Variants in SOBP observed in about 807,000 individuals in gnomAD.
SOBP encodes the protein sine oculis binding protein homolog.
In SOBP, 4 loss-of-function variants were observed where a neutral mutation model predicts 53.6. That is an observed-to-expected ratio of 0.07 (90% CI 0.04 to 0.17). The LOEUF (loss-of-function observed/expected upper bound fraction) is 0.17. Ranked by LOEUF, SOBP falls within the 10% of genes least tolerant of loss-of-function variation. The pLI is 1.00. For synonymous variants in SOBP, 584 were observed against 522.6 expected (o/e 1.12, Z -1.60); for missense variants, 1,088 against 1,204.7 (o/e 0.90, Z 1.43).
intron 5 of SOBP, among the ~76,000 whole-genome samples, chr6:107,632,257 T>C (rs1397303668): frequency 1.3e-5 from 2 of 151,832 alleles, no homozygotes; most frequent in Admixed American, 1.3e-4. Context: ...TTCAATAGAC[T>C]CACCATTGCA....
In SOBP at chr6:107,604,612, C is replaced by T. The variant is rs75136126; in HGVS notation, c.669+17437C>T. Among the ~76,000 whole-genome samples the T allele has an allele frequency of 4.1e-3, 622 of 152,058 alleles. 8 individuals are homozygous for T. Among genetic ancestry groups the T allele is most frequent in the African/African-American group, 0.014 (582 of 41,458 alleles). On this transcript the variant is annotated intron_variant, in intron 5 of 6. Coordinates refer to ENST00000317357, the MANE Select transcript of SOBP (RefSeq NM_018013.4). ...CTGCTCCTTGTTACCCATCTCCCCT[C>T]CCCACCTCCTTCTCTTTGGAAGCTA...
At chr6:107,564,987 A>T (rs1784875202) in intron 4 of SOBP, among the ~76,000 whole-genome samples, 1 of 152,248 alleles carries the variant, frequency 6.6e-6, no homozygotes, top group African/African-American at 2.4e-5. Context: ...GCAGATCAAA[A>T]TAAAGAGGGC....
At chr6:107,579,413 A>G (rs1397044953) in intron 4 of SOBP, among the ~76,000 whole-genome samples, 1 of 152,192 alleles carries the variant, frequency 6.6e-6, no homozygotes, top group East Asian at 1.9e-4. Context: ...CCTGTCCAAT[A>G]AAGGAAAAAT....
intron 4 of SOBP, among the ~76,000 whole-genome samples, chr6:107,577,100 C>A (rs2115045887): frequency 6.6e-6 from 1 of 152,320 alleles, no homozygotes; most frequent in Non-Finnish European, 1.5e-5. Flanking sequence ...ACTGATTCAT[C>A]TGCATCCTTT....
intron 4 of SOBP, among the ~76,000 whole-genome samples, chr6:107,573,986 C>T (rs1260353669): frequency 3.9e-5 from 6 of 152,114 alleles, no homozygotes; most frequent in Admixed American, 3.9e-4. Context: ...CTACTACTGC[C>T]TGGCACACAG....
chr6:107,615,537 C>T (rs1786754211), intron 5 of SOBP, among the ~76,000 whole-genome samples: 1 of 152,146 alleles, frequency 6.6e-6, no homozygotes, highest in Non-Finnish European at 1.5e-5. Context: ...ATGTGAAAAG[C>T]TCAGTGGGCA....
At chr6:107,629,207 T>C (rs1386124291) in intron 5 of SOBP, among the ~76,000 whole-genome samples, 2 of 151,736 alleles carry the variant, frequency 1.3e-5, no homozygotes, top group Non-Finnish European at 2.9e-5. Context: ...AAATTGTTGA[T>C]GGCATTCACG....
At chr6:107,522,215 G>C (rs1266391630) in intron 3 of SOBP, among the ~76,000 whole-genome samples, 1 of 152,136 alleles carries the variant, frequency 6.6e-6, no homozygotes, top group Non-Finnish European at 1.5e-5. Context: ...AGGCTGGCCT[G>C]GTCTTAGGAG....
At chr6:107,623,378 T>A (rs1770304004) in intron 5 of SOBP, among the ~76,000 whole-genome samples, 1 of 152,140 alleles carries the variant, frequency 6.6e-6, no homozygotes, top group Non-Finnish European at 1.5e-5. Flanking sequence ...TTAGAGCAAG[T>A]CATGTAATAT....
At chr6:107,523,923 C>T (rs1783586750) in intron 3 of SOBP, among the ~76,000 whole-genome samples, 1 of 152,224 alleles carries the variant, frequency 6.6e-6, no homozygotes, top group African/African-American at 2.4e-5. Context: ...TTAGTCAGTG[C>T]ATTTGCAGCC....
intron 3 of SOBP, among the ~76,000 whole-genome samples, chr6:107,515,872 AT>A (rs1326996641): frequency 6.6e-6 from 1 of 152,204 alleles, no homozygotes; most frequent in Non-Finnish European, 1.5e-5. Context: ...ACTAATTTAG[AT>A]TTTTTTCTAG....
intron 4 of SOBP, among the ~76,000 whole-genome samples, chr6:107,545,758 A>C (rs1784283375): frequency 6.6e-6 from 1 of 152,038 alleles, no homozygotes; most frequent in African/African-American, 2.4e-5. Context: ...AGCTGGAGTC[A>C]GCAGCCTCCT....
chr6:107,516,346 CA>C (rs1251612326), intron 3 of SOBP, among the ~76,000 whole-genome samples: 2 of 151,926 alleles, frequency 1.3e-5, no homozygotes, highest in African/African-American at 4.8e-5. Flanking sequence ...CCTATAATCC[CA>C]ACTACTCGGG....
At chr6:107,544,532 G>C (rs1444996766) in intron 4 of SOBP, among the ~76,000 whole-genome samples, 2 of 152,210 alleles carry the variant, frequency 1.3e-5, no homozygotes, top group Non-Finnish European at 2.9e-5. Flanking sequence ...ATCAGGGTGA[G>C]TTGACTTGTC....
chr6:107,526,109 G>C (rs995191692), intron 3 of SOBP, among the ~76,000 whole-genome samples: 6 of 151,776 alleles, frequency 4.0e-5, no homozygotes, highest in Admixed American at 6.6e-5. Context: ...CACCATGCCT[G>C]GCTAATTTTT....
intron 5 of SOBP, among the ~76,000 whole-genome samples, chr6:107,603,453 A>AGTGGC (rs1342263914): frequency 6.6e-6 from 1 of 152,242 alleles, no homozygotes; most frequent in Non-Finnish European, 1.5e-5. Flanking sequence ...AACTGTAAAT[A>AGTGGC]GTGGCCGCCA....
chr6:107,553,902 G>C (rs1784536484), intron 4 of SOBP, among the ~76,000 whole-genome samples: 1 of 152,114 alleles, frequency 6.6e-6, no homozygotes, highest in African/African-American at 2.4e-5. Context: ...TTCTGGTTTA[G>C]AGTTCTATAT....
intron 6 of SOBP, among the ~76,000 whole-genome samples, chr6:107,641,900 G>T (rs111400280): frequency 6.6e-6 from 1 of 152,208 alleles, no homozygotes; most frequent in African/African-American, 2.4e-5. Context: ...CTAAGAGATC[G>T]TGCCAAAGGG....
At chr6:107,523,855 C>T (rs1303605060) in intron 3 of SOBP, among the ~76,000 whole-genome samples, 2 of 152,246 alleles carry the variant, frequency 1.3e-5, no homozygotes, top group Non-Finnish European at 2.9e-5. Context: ...TGGCCTTTTA[C>T]ACTAGGGGCA....
Sources: allele counts gnomAD v4.1 joint callset (sites outside exome capture counted in the v4.1 genomes callset), GRCh38; gene constraint gnomAD v4.1.1; transcripts MANE v1.5; gene names NCBI Gene and HGNC (gene_info 2026-07-23, HGNC 2026-07-21).